Variants in ULK4 observed in about 807,000 individuals in gnomAD.
ULK4 encodes the protein unc-51 like kinase 4, also known as inactive serine/threonine-protein kinase ULK4.
ULK4 carries 133 observed loss-of-function variants against 160.6 expected under a neutral mutation model. The ratio of observed to expected loss-of-function variants is 0.83; its 90% CI spans 0.72 to 0.96. The LOEUF (loss-of-function observed/expected upper bound fraction) is 0.96, where lower values mean the gene tolerates loss of function less well. Ranked by LOEUF, ULK4 falls within the 40% of genes least tolerant of loss-of-function variation. The pLI is 0.00. For missense variants in ULK4, 1,580 were observed against 1,499.5 expected (o/e 1.05, Z -0.89); for synonymous variants, 534 against 539.8 (o/e 0.99, Z 0.15).
chr3:41,305,186 C>T lies in ULK4; in HGVS notation c.3679-55612G>A, dbSNP rs1399201993. On this transcript the variant is annotated intron_variant, in intron 35 of 36. Coordinates refer to ENST00000301831, the MANE Select transcript of ULK4 (RefSeq NM_017886.4). The stretch of plus-strand genomic sequence containing the variant: ...AAGGTGATTCAAAACTGGAATAGGG[C>T]TCTCCCTCTCCCTCTCCCTCTCCCC... 5.2e-5 allele frequency among the ~76,000 whole-genome samples: 5 copies of T among 96,798 alleles called. No homozygotes were observed. The Admixed American group carries it at 5.2e-4, about 10-fold the overall frequency. 63.5% of individuals were successfully genotyped at this position (96,798 alleles called of 152,430 possible). A position where few individuals can be genotyped will look rare whatever the true frequency, so the allele number is the denominator to read the frequency against.
At chr3:41,586,634 A>C (rs1431192851) in intron 31 of ULK4, among the ~76,000 whole-genome samples, 2 of 152,212 alleles carry the variant, frequency 1.3e-5, no homozygotes, top group African/African-American at 2.4e-5. Context: ...TTAAAATGGT[A>C]AATTTAATGT....
At chr3:41,510,195 A>G (rs778207440) in intron 32 of ULK4, among the ~76,000 whole-genome samples, 6 of 152,350 alleles carry the variant, frequency 3.9e-5, no homozygotes, top group South Asian at 2.1e-4. Context: ...TATATCAGAC[A>G]AAACAAACAT....
At chr3:41,547,935 T>G (rs960997399) in intron 32 of ULK4, among the ~76,000 whole-genome samples, 14 of 151,992 alleles carry the variant, frequency 9.2e-5, no homozygotes, top group Non-Finnish European at 1.5e-5. Flanking sequence ...AGACTGAGAG[T>G]GGCCTGCCTG....
intron 17 of ULK4, among the ~76,000 whole-genome samples, chr3:41,881,558 A>T (rs1433424087): frequency 6.6e-6 from 1 of 152,180 alleles, no homozygotes; most frequent in Non-Finnish European, 1.5e-5. Flanking sequence ...AAATAACAAA[A>T]TTAAGATGGC....
At chr3:41,503,054 TA>T (rs2085264188) in intron 32 of ULK4, among the ~76,000 whole-genome samples, 1 of 152,212 alleles carries the variant, frequency 6.6e-6, no homozygotes, top group Non-Finnish European at 1.5e-5. Context: ...TAGATAGGCT[TA>T]TCAATAGTTA....
intron 5 of ULK4, among the ~76,000 whole-genome samples, chr3:41,923,455 G>A (rs1194744003): frequency 1.3e-5 from 2 of 152,018 alleles, no homozygotes; most frequent in Non-Finnish European, 2.9e-5. Flanking sequence ...CTGAGATCAC[G>A]CCACTGCACT....
intron 35 of ULK4, among the ~76,000 whole-genome samples, chr3:41,254,173 C>A (rs762207963): frequency 1.3e-5 from 2 of 152,166 alleles, no homozygotes; most frequent in Non-Finnish European, 2.9e-5. Flanking sequence ...GATCACTGAT[C>A]CCATCAACAA....
intron 34 of ULK4, among the ~76,000 whole-genome samples, chr3:41,400,062 G>C (rs149347110): frequency 1.3e-3 from 201 of 152,176 alleles, no homozygotes; most frequent in African/African-American, 4.2e-3. Context: ...TTGTAGGTTT[G>C]TAGGTTCACA....
chr3:41,650,122 G>A (rs554998260), intron 30 of ULK4, among the ~76,000 whole-genome samples: 1 of 152,238 alleles, frequency 6.6e-6, no homozygotes, highest in East Asian at 1.9e-4. Context: ...ACCTGCCTGT[G>A]GAGAGGAGCT....
chr3:41,300,210 C>G (rs1213452444), intron 35 of ULK4, among the ~76,000 whole-genome samples: 1 of 152,186 alleles, frequency 6.6e-6, no homozygotes, highest in African/African-American at 2.4e-5. Flanking sequence ...ATTGAGCTGT[C>G]TGATTTATAT....
chr3:41,311,423 C>G lies in ULK4; in HGVS notation c.3679-61849G>C, dbSNP rs2125720437. On this transcript the variant is annotated intron_variant, in intron 35 of 36. Transcript: ENST00000301831. ...GCCTAGTACCCCAGCCTACATCTTT[C>G]TCCCATGCTGGATGCTTCCTGCCCT... Among the ~76,000 whole-genome samples the G allele has an allele frequency of 2.6e-5, 4 of 152,270 alleles. No individual in the cohort carries two copies. The South Asian group carries it at 8.3e-4, about 32-fold the overall frequency.
chr3:41,739,584 G>T (rs2038174108), intron 22 of ULK4, among the ~76,000 whole-genome samples: 1 of 151,894 alleles, frequency 6.6e-6, no homozygotes, highest in South Asian at 2.1e-4. Flanking sequence ...GAAAACTGAG[G>T]AATTTGAAAA....
chr3:41,422,492 A>G (rs1427241276), intron 34 of ULK4, among the ~76,000 whole-genome samples: 3 of 152,132 alleles, frequency 2.0e-5, no homozygotes, highest in Non-Finnish European at 4.4e-5. Flanking sequence ...TCTGATGTCA[A>G]TTTTGATAAT....
chr3:41,636,033 C>G (rs555789126), intron 30 of ULK4, among the ~76,000 whole-genome samples: 4 of 152,218 alleles, frequency 2.6e-5, no homozygotes, highest in African/African-American at 9.6e-5. Flanking sequence ...CAAAATAAAC[C>G]TAGTGGGGTT....
In ULK4 at chr3:41,257,524, T is replaced by C. The variant is rs143867235; in HGVS notation, c.3679-7950A>G. Reference sequence around the variant, plus strand: ...GTGGTGCACACCTGGTCCCAGCTACTTGGGAGGCTGAAATGGAAGTATCGC... The same window carrying C: ...GTGGTGCACACCTGGTCCCAGCTACCTGGGAGGCTGAAATGGAAGTATCGC... On this transcript the variant is annotated intron_variant, in intron 35 of 36. Transcript: ENST00000301831. Among the ~76,000 whole-genome samples the C allele has an allele frequency of 2.4e-3, 359 of 151,966 alleles. 2 individuals carry two copies. Among genetic ancestry groups the C allele is most frequent in the African/African-American group, 8.1e-3 (337 of 41,426 alleles).
At chr3:41,643,769 A>C (rs1269840312) in intron 30 of ULK4, among the ~76,000 whole-genome samples, 1 of 152,194 alleles carries the variant, frequency 6.6e-6, no homozygotes, top group African/African-American at 2.4e-5. Context: ...TTGAATCTAT[A>C]AATTACCTTG....
At chr3:41,377,741 T>G (rs949180810) in intron 35 of ULK4, among the ~76,000 whole-genome samples, 5 of 148,140 alleles carry the variant, frequency 3.4e-5, no homozygotes, top group East Asian at 2.0e-4. Flanking sequence ...CTGTAGAGGA[T>G]GTGGAGAAAT....
At chr3:41,382,153 G>A (rs952857417) in intron 35 of ULK4, among the ~76,000 whole-genome samples, 1 of 151,890 alleles carries the variant, frequency 6.6e-6, no homozygotes, top group Non-Finnish European at 1.5e-5. Flanking sequence ...TTTCTTCTTA[G>A]TGCTTTCCCT....
chr3:41,703,258 A>C (rs886227997), intron 27 of ULK4, among the ~76,000 whole-genome samples: 2 of 152,044 alleles, frequency 1.3e-5, no homozygotes, highest in Non-Finnish European at 2.9e-5. Context: ...AAACATACAG[A>C]ATATCTACAA....
Sources: gnomAD v4.1 joint callset for allele counts (sites outside exome capture counted in the v4.1 genomes callset) on GRCh38, gnomAD v4.1.1 for gene constraint, MANE v1.5 for transcripts, NCBI Gene and HGNC (gene_info 2026-07-23, HGNC 2026-07-21) for gene names.